Variants in VIRMA observed in about 807,000 individuals in gnomAD.
VIRMA encodes the protein vir like m6A methyltransferase associated, also known as protein virilizer homolog.
Under a neutral mutation model 182.4 loss-of-function variants are expected in VIRMA, and 65 were observed. The observed-to-expected ratio is 0.36, with a 90% CI of 0.29 to 0.44. VIRMA has a LOEUF of 0.44. Among genes scored for constraint, VIRMA ranks in the 20% least tolerant of loss-of-function variants. The pLI, the probability that VIRMA is intolerant of heterozygous loss-of-function variation, is 1.00. For missense variants in VIRMA, 1,752 were observed against 2,158.1 expected, an observed-to-expected ratio of 0.81 and a Z score of 3.73; for synonymous variants, 709 against 743.1, an observed-to-expected ratio of 0.95 and a Z score of 0.75.
intron 1 of VIRMA, among the ~76,000 whole-genome samples, chr8:94,552,838 T>C (rs976379495): frequency 1.3e-5 from 2 of 152,160 alleles, no homozygotes; most frequent in African/African-American, 4.8e-5. Context: ...ATTCCTAATG[T>C]GTGAAATCTC....
At position 94,488,865 on chromosome 8, in the gene VIRMA, A is replaced by G; in HGVS notation, c.5285-5T>C. On this transcript the variant is annotated splice_polypyrimidine_tract_variant and splice_region_variant and intron_variant, in intron 23 of 23. Coordinates refer to ENST00000297591, the MANE Select transcript of VIRMA (RefSeq NM_015496.5). ...CCCGAGGACTTGGGCGGTAACCTGT[A>G]AAAGAAAGAATACAGTTTTTAGTTC... is the stretch of plus-strand genomic sequence containing the variant. The G allele has an allele frequency of 1.9e-6, 3 of 1,610,906 alleles. No homozygotes were observed. Among genetic ancestry groups the G allele is most frequent in the Non-Finnish European group, 1.7e-6 (2 of 1,178,288 alleles).
chr8:94,527,760 A>AT (rs1815025020), intron 7 of VIRMA, among the ~76,000 whole-genome samples: 1 of 152,060 alleles, frequency 6.6e-6, no homozygotes, highest in African/African-American at 2.4e-5. Context: ...TAAGACCAAA[A>AT]AAAACTGGTT....
intron 1 of VIRMA, among the ~76,000 whole-genome samples, chr8:94,545,548 A>G (rs1411548213): frequency 6.6e-6 from 1 of 152,244 alleles, no homozygotes; most frequent in Non-Finnish European, 1.5e-5. Context: ...GTTCCAAAGT[A>G]TGCTAGTTCT....
intron 16 of VIRMA, among the ~76,000 whole-genome samples, chr8:94,505,981 T>G (rs1016994500): frequency 6.6e-6 from 1 of 152,192 alleles, no homozygotes; most frequent in Non-Finnish European, 1.5e-5. Flanking sequence ...ATTATTTACA[T>G]AACATTCACA....
At chr8:94,515,988 G>T (rs773985613) in intron 10 of VIRMA, among the ~76,000 whole-genome samples, 22 of 151,656 alleles carry the variant, frequency 1.5e-4, no homozygotes, top group Non-Finnish European at 2.5e-4. Context: ...CGCACCTGTA[G>T]TCCCAGCTAC....
chr8:94,530,086 G>C (rs1220158817), intron 6 of VIRMA, among the ~76,000 whole-genome samples: 1 of 152,104 alleles, frequency 6.6e-6, no homozygotes, highest in Admixed American at 6.5e-5. Flanking sequence ...ACCACACCCA[G>C]CCCAATACTA....
At chr8:94,532,723 G>A (rs1442834827) in intron 5 of VIRMA, among the ~76,000 whole-genome samples, 1 of 152,128 alleles carries the variant, frequency 6.6e-6, no homozygotes, top group Non-Finnish European at 1.5e-5. Flanking sequence ...CCCAGTATTT[G>A]AAGGGCTGAG....
At chr8:94,521,013 A>G (rs1391756243) in intron 8 of VIRMA, among the ~76,000 whole-genome samples, 1 of 149,568 alleles carries the variant, frequency 6.7e-6, no homozygotes, top group Non-Finnish European at 1.5e-5. Context: ...TTCTCCCTAA[A>G]CTCTTTTCCA....
At chr8:94,507,977 G>T (rs929152940) in intron 15 of VIRMA, among the ~76,000 whole-genome samples, 1 of 141,248 alleles carries the variant, frequency 7.1e-6, no homozygotes, top group South Asian at 2.1e-4. Flanking sequence ...GTGTATATAT[G>T]TATATATGTG....
intron 1 of VIRMA, among the ~76,000 whole-genome samples, chr8:94,550,194 TAAAC>T (rs1387096695): frequency 6.6e-6 from 1 of 152,168 alleles, no homozygotes; most frequent in African/African-American, 2.4e-5. Context: ...CAATAAATGT[TAAAC>T]AATGCTTACT....
intron 4 of VIRMA, 93 bp downstream of exon 4, chr8:94,537,010 C>T: frequency 1.2e-6 from 1 of 824,208 alleles, no homozygotes; most frequent in Non-Finnish European, 2.1e-6. Context: ...AAAGATATGA[C>T]ACTCTGCAAC....
Position 94,538,344 on chromosome 8 carries a change from T to G in VIRMA, c.182A>C (p.Glu61Ala), listed in dbSNP as rs1379225697. Residue 61 changes from glutamate (E) to alanine (A), a missense_variant and splice_region_variant, in exon 3 of 24, where the codon GAG becomes GCG. Glu to Ala is a moderately radical substitution (Grantham distance 107). Transcript: ENST00000297591. Reference sequence around the variant, plus strand: ...TAATTGAAATGTATGGGGAGATGTCTCTCTGTAAATGAAACAAAGTTGAAA... The same window carrying G: ...TAATTGAAATGTATGGGGAGATGTCGCTCTGTAAATGAAACAAAGTTGAAA... Reference protein sequence around the residue: ...SSLPDNRAYGETSPHTFQLDL... With the variant: ...SSLPDNRAYGATSPHTFQLDL... 2.9e-5 allele frequency: 46 copies of G among 1,597,818 alleles called. No individual in the cohort carries two copies. Among genetic ancestry groups the G allele is most frequent in the Non-Finnish European group, 3.5e-5 (41 of 1,165,854 alleles).
chr8:94,529,814 A>C (rs1350580706), intron 6 of VIRMA, among the ~76,000 whole-genome samples: 1 of 151,290 alleles, frequency 6.6e-6, no homozygotes, highest in Non-Finnish European at 1.5e-5. Flanking sequence ...TAATTTTTGT[A>C]TTTTTAGTAG....
Position 94,509,799 on chromosome 8 carries a change from A to G in VIRMA, c.3768T>C (p.Tyr1256=), listed in dbSNP as rs1814299913. The change falls in exon 15 of 24, where the codon TAT becomes TAC. Residue 1256 remains tyrosine (Y), a synonymous_variant. Coordinates refer to ENST00000297591, the MANE Select transcript of VIRMA (RefSeq NM_015496.5). ...CTAAAAGATCCTGGAATATCTCTGC[A>G]TATCTTTCATCACCTTTAATAGTTC... ...INGTIKGDER[Y]AEIFQDLLAL... 1 of 1,614,108 alleles carries G rather than the reference A, an allele frequency of 6.2e-7. No individual in the cohort carries two copies. The highest frequency in any genetic ancestry group is 8.5e-7 in the Non-Finnish European group (1 of 1,179,970).
chr8:94,487,815 C>A lies in VIRMA; in HGVS notation c.*891G>T, dbSNP rs2130245388. 6.6e-6 allele frequency: 1 copy of A among 151,708 alleles called. No individual in the cohort carries two copies. The highest frequency in any genetic ancestry group is 2.1e-4 in the South Asian group (1 of 4,830). The allele number at this position is 151,708 out of a possible 1,614,324, so 9.4% of individuals were successfully genotyped here. A position where few individuals can be genotyped will look rare whatever the true frequency, so the allele number is the denominator to read the frequency against. On this transcript the variant is annotated 3_prime_UTR_variant, in exon 24 of 24. Coordinates refer to ENST00000297591, the MANE Select transcript of VIRMA (RefSeq NM_015496.5). ...CTTTATTTCTATGTATAAAGTCCAG[C>A]TTTATTAGATGTTTCTGATTCCCAA...
intron 16 of VIRMA, among the ~76,000 whole-genome samples, chr8:94,506,127 A>G (rs1040099482): frequency 2.6e-5 from 4 of 152,156 alleles, no homozygotes; most frequent in Admixed American, 6.6e-5. Flanking sequence ...GGAACTGTAC[A>G]CAGAATCTGC....
chr8:94,527,212 C>T lies in VIRMA; in HGVS notation c.1032G>A (p.Glu344=). ...AACTGAAGTATAAGAGTGGTACAAG[C>T]TCCCTGTCATATGGATCATATGTCA... is the stretch of plus-strand genomic sequence containing the variant. ...PPMTYDPYDR[E]LVPLLYFSCP... is the part of the protein sequence containing the mutation. The change falls in exon 8 of 24, where the codon GAG becomes GAA. Residue 344 remains glutamate, a synonymous_variant. Coordinates refer to ENST00000297591, the MANE Select transcript of VIRMA (RefSeq NM_015496.5). 1 of 1,614,040 alleles carries T rather than the reference C, an allele frequency of 6.2e-7. No individual in the cohort carries two copies. Among genetic ancestry groups the T allele is most frequent in the Non-Finnish European group, 8.5e-7 (1 of 1,179,972 alleles).
chr8:94,506,705 T>C lies in VIRMA; in HGVS notation c.3892A>G (p.Ile1298Val). The C allele has an allele frequency of 6.2e-7, 1 of 1,612,726 alleles. No homozygotes were observed. Among genetic ancestry groups the C allele is most frequent in the Non-Finnish European group, 8.5e-7 (1 of 1,179,148 alleles). The change falls in exon 16 of 24, where the codon ATC (isoleucine) becomes GTC (valine). Residue 1298 changes from isoleucine (I) to valine (V), a missense_variant. This residue lies in a region of VIRMA where 777 missense variants were observed against 920.6 expected (regional missense o/e 0.84). Coordinates refer to ENST00000297591, the MANE Select transcript of VIRMA (RefSeq NM_015496.5). The part of the protein sequence containing the change: ...QSLCDQDIAL[I>V]LPSSSEGSIS... Reference sequence around the variant, plus strand: ...GAACCTTCAGAAGAGCTTGGTAAGATAAGTGCAATGTCCTGTGGGGAGCAG... The same window carrying C: ...GAACCTTCAGAAGAGCTTGGTAAGACAAGTGCAATGTCCTGTGGGGAGCAG...
At chr8:94,516,340 C>T (rs1644682959) in intron 10 of VIRMA, among the ~76,000 whole-genome samples, 1 of 152,110 alleles carries the variant, frequency 6.6e-6, no homozygotes, top group African/African-American at 2.4e-5. Context: ...ATTACTATCA[C>T]CCCAAAAGAA....
Sources: allele counts gnomAD v4.1 joint callset (sites outside exome capture counted in the v4.1 genomes callset), GRCh38; gene constraint gnomAD v4.1.1; regional missense constraint gnomAD v4.1.1; transcripts MANE v1.5; gene names NCBI Gene and HGNC (gene_info 2026-07-23, HGNC 2026-07-21).